Variants in ADGRA3 observed in about 807,000 individuals in gnomAD.
The protein encoded by ADGRA3 is adhesion G protein-coupled receptor A3, also known as G-protein coupled receptor 125.
ADGRA3 carries 56 observed loss-of-function variants against 119.8 expected under a neutral mutation model. The observed-to-expected ratio is 0.47, with a 90% CI of 0.38 to 0.58. ADGRA3 has a LOEUF of 0.58. Among genes scored for constraint, ADGRA3 ranks in the 20% least tolerant of loss-of-function variants. ADGRA3 has a pLI of 0.00. For missense variants in ADGRA3, 1,516 were observed against 1,649.0 expected, an observed-to-expected ratio of 0.92 and a Z score of 1.40; for synonymous variants, 607 against 623.8, an observed-to-expected ratio of 0.97 and a Z score of 0.40.
At chr4:22,424,040 T>C (rs1468635955) in intron 11 of ADGRA3, 151 bp downstream of exon 11, 1 of 492,646 alleles carries the variant, frequency 2.0e-6, no homozygotes, top group South Asian at 9.8e-5. Flanking sequence ...TAAAATGTTA[T>C]AACTTATAAA....
intron 1 of ADGRA3, among the ~76,000 whole-genome samples, chr4:22,492,169 C>T (rs972559156): frequency 3.9e-5 from 6 of 152,084 alleles, no homozygotes; most frequent in African/African-American, 1.4e-4. Flanking sequence ...TGCAGGAATG[C>T]GGAGGCGAAA....
intron 1 of ADGRA3, among the ~76,000 whole-genome samples, chr4:22,481,403 C>A (rs1186728887): frequency 6.6e-6 from 1 of 152,174 alleles, no homozygotes; most frequent in East Asian, 1.9e-4. Context: ...AAAAACCCAG[C>A]CAGCCACTGG....
At chr4:22,421,122 G>A (rs767395090) in intron 11 of ADGRA3, 33 bp from the exon 12 acceptor site, 7 of 1,560,154 alleles carry the variant, frequency 4.5e-6, no homozygotes, top group Admixed American at 1.7e-5. Flanking sequence ...AGTTATGAAC[G>A]ATTTATAGCA....
intron 2 of ADGRA3, among the ~76,000 whole-genome samples, chr4:22,472,298 C>T (rs1717884044): frequency 6.6e-6 from 1 of 152,134 alleles, no homozygotes; most frequent in African/African-American, 2.4e-5. Context: ...GGCAGTCTTG[C>T]TTCGACAGGT....
intron 10 of ADGRA3, among the ~76,000 whole-genome samples, chr4:22,429,356 C>A (rs1716067913): frequency 6.6e-6 from 1 of 152,158 alleles, no homozygotes; most frequent in South Asian, 2.1e-4. Context: ...TTTGTTAATG[C>A]ATCACTGAGA....
At chr4:22,395,322 T>C (rs1262691820) in intron 16 of ADGRA3, among the ~76,000 whole-genome samples, 2 of 152,188 alleles carry the variant, frequency 1.3e-5, no homozygotes, top group African/African-American at 4.8e-5. Context: ...CAGTGCATTA[T>C]GCATAACAAT....
At chr4:22,425,705 C>A (rs1034048802) in intron 10 of ADGRA3, among the ~76,000 whole-genome samples, 1 of 152,144 alleles carries the variant, frequency 6.6e-6, no homozygotes, top group Non-Finnish European at 1.5e-5. Context: ...AGAAGATCTC[C>A]GCTGAGATTT....
chr4:22,420,525 T>C, intron 12 of ADGRA3: 1 of 301,120 alleles, frequency 3.3e-6, no homozygotes, highest in Non-Finnish European at 6.1e-6. Flanking sequence ...TAGGGGCCCA[T>C]GAAAACATCT....
intron 10 of ADGRA3, among the ~76,000 whole-genome samples, chr4:22,425,760 T>C (rs564298135): frequency 1.3e-5 from 2 of 152,300 alleles, no homozygotes; most frequent in South Asian, 4.1e-4. Context: ...CGTATAATTA[T>C]GGGGGCTGAA....
At chr4:22,393,599 A>G (rs1714230009) in intron 16 of ADGRA3, 1 of 152,192 alleles carries the variant, frequency 6.6e-6, no homozygotes, top group Non-Finnish European at 1.5e-5. Flanking sequence ...CGTAAGACCT[A>G]AAGTGCTGGC....
chr4:22,480,159 A>G (rs1302251232), intron 1 of ADGRA3, among the ~76,000 whole-genome samples: 1 of 152,224 alleles, frequency 6.6e-6, no homozygotes, highest in East Asian at 1.9e-4. Flanking sequence ...TCTTTTGCCA[A>G]ACAAAGAAGA....
intron 8 of ADGRA3, among the ~76,000 whole-genome samples, chr4:22,437,502 A>G (rs1716442538): frequency 6.6e-6 from 1 of 152,186 alleles, no homozygotes; most frequent in South Asian, 2.1e-4. Context: ...CCCTTTGTTC[A>G]TATCAACTAT....
intron 10 of ADGRA3, among the ~76,000 whole-genome samples, chr4:22,434,278 T>G (rs1318511541): frequency 6.6e-6 from 1 of 150,604 alleles, no homozygotes; most frequent in African/African-American, 2.4e-5. Context: ...TTAGAATGAT[T>G]CAGGAAAATA....
chr4:22,403,197 C>T (rs1714744864), intron 14 of ADGRA3, among the ~76,000 whole-genome samples: 1 of 152,034 alleles, frequency 6.6e-6, no homozygotes, highest in South Asian at 2.1e-4. Flanking sequence ...AGAGCAGTAT[C>T]TCTGAGGCTA....
chr4:22,512,880 C>T (rs1309230647), intron 1 of ADGRA3, among the ~76,000 whole-genome samples: 1 of 148,642 alleles, frequency 6.7e-6, no homozygotes, highest in Non-Finnish European at 1.5e-5. Context: ...AACTTCAACA[C>T]GCTACCTACT....
At position 22,404,761 on chromosome 4, in the gene ADGRA3, G is replaced by A. The variant is rs533579587; in HGVS notation, c.2233-1962C>T. Among the ~76,000 whole-genome samples, 3 of 152,290 alleles carry A rather than the reference G, an allele frequency of 2.0e-5. No homozygotes were observed. The South Asian group carries it at 6.2e-4, about 32-fold the overall frequency. On this transcript the variant is annotated intron_variant, in intron 14 of 18. Transcript: ENST00000334304. ...CCGTAACACTAGCCTGTAATACATG[G>A]CCTCAAAATAGTTGCACTCTGTTAA...
chr4:22,465,088 C>T (rs1249638651), intron 2 of ADGRA3, among the ~76,000 whole-genome samples: 1 of 152,136 alleles, frequency 6.6e-6, no homozygotes, highest in African/African-American at 2.4e-5. Flanking sequence ...TTCAAAAATT[C>T]CAAACTTCTA....
At chr4:22,434,661 C>A (rs1283519669) in intron 10 of ADGRA3, among the ~76,000 whole-genome samples, 4 of 152,188 alleles carry the variant, frequency 2.6e-5, no homozygotes, top group Non-Finnish European at 5.9e-5. Flanking sequence ...AATAATTCTG[C>A]CCCTTGAAAA....
At position 22,516,045 on chromosome 4, in the gene ADGRA3, TGCCGCC is replaced by T; in HGVS notation, c.-267_-262del. 4 of 154,232 alleles carry T rather than the reference TGCCGCC, an allele frequency of 2.6e-5. No homozygotes were observed. Among genetic ancestry groups the T allele is most frequent in the Middle Eastern group, 3.6e-3 (1 of 280 alleles). 9.6% of individuals were successfully genotyped at this position (154,232 alleles called of 1,614,324 possible). A position where few individuals can be genotyped will look rare whatever the true frequency, so the allele number is the denominator to read the frequency against. ...CGAGCACCGCCTCCTCCTCCTCCTC[TGCCGCC>T]GCCGCCGCCGCCACTGCCTCCTCCC... is the stretch of plus-strand genomic sequence containing the variant. On this transcript the variant is annotated 5_prime_UTR_variant, in exon 1 of 19. Transcript: ENST00000334304.
Sources: allele counts gnomAD v4.1 joint callset (sites outside exome capture counted in the v4.1 genomes callset), GRCh38; gene constraint gnomAD v4.1.1; transcripts MANE v1.5; gene names NCBI Gene and HGNC (gene_info 2026-07-23, HGNC 2026-07-21).